The following VRK2 variants were observed in gnomAD, a reference collection of about 807,000 sequenced individuals.
VRK2 encodes the protein serine/threonine-protein kinase VRK2.
A neutral mutation model predicts 57.6 loss-of-function variants in VRK2; 60 were observed. The observed-to-expected ratio is 1.04, with a 90% CI of 0.85 to 1.29. The LOEUF (loss-of-function observed/expected upper bound fraction) is 1.29. Among genes scored for constraint, VRK2 ranks in the 50% most tolerant of loss-of-function variants. The probability of loss-of-function intolerance (pLI) is 0.00; values close to 1 mark genes in which losing one functional copy is unlikely to be tolerated. For missense variants in VRK2, 705 were observed against 588.1 expected, an observed-to-expected ratio of 1.20 and a Z score of -2.06; for synonymous variants, 231 against 199.2, an observed-to-expected ratio of 1.16 and a Z score of -1.35.
intron 8 of VRK2, among the ~76,000 whole-genome samples, chr2:58,131,052 G>C (rs188175029): frequency 6.6e-6 from 1 of 151,752 alleles, no homozygotes; most frequent in Non-Finnish European, 1.5e-5. Flanking sequence ...TGCTTTTAAC[G>C]TACTTTTTAG....
intron 9 of VRK2, among the ~76,000 whole-genome samples, chr2:58,133,917 G>GT (rs1425894242): frequency 6.6e-6 from 1 of 152,058 alleles, no homozygotes; most frequent in Non-Finnish European, 1.5e-5. Flanking sequence ...CTACTTCTGT[G>GT]TTTCTGCATA....
intron 2 of VRK2, among the ~76,000 whole-genome samples, chr2:58,082,840 T>C (rs1671083181): frequency 6.6e-6 from 1 of 151,890 alleles, no homozygotes; most frequent in South Asian, 2.1e-4. Context: ...CTTCAACTGG[T>C]TAGTAGCATT....
intron 1 of VRK2, among the ~76,000 whole-genome samples, chr2:57,993,497 T>C (rs750510255): frequency 3.3e-5 from 5 of 150,772 alleles, no homozygotes; most frequent in South Asian, 2.1e-4. Context: ...AAAAAAAAAG[T>C]AGCAAAAACT....
chr2:57,976,383 A>G (rs186312600), intron 1 of VRK2, among the ~76,000 whole-genome samples: 9 of 152,298 alleles, frequency 5.9e-5, no homozygotes, highest in African/African-American at 9.6e-5. Context: ...CCAGCAGAGT[A>G]TAAGTATTCC....
chr2:58,123,109 T>C lies in VRK2; in HGVS notation c.552T>C (p.Leu184=), dbSNP rs1481198743. The change falls in exon 8 of 13, where the codon CTT becomes CTC. Residue 184 remains leucine (L), a synonymous_variant. Transcript: ENST00000340157. ...LGYKNPDQVY[L]ADYGLSYRYC... Reference sequence around the variant, plus strand: ...CTGTGCTTGTCTTCCAGGTTTATCTTGCAGATTATGGACTTTCCTACAGAT... The same window carrying C: ...CTGTGCTTGTCTTCCAGGTTTATCTCGCAGATTATGGACTTTCCTACAGAT... The C allele has an allele frequency of 1.9e-6, 3 of 1,598,640 alleles. No individual in the cohort carries two copies. The Admixed American group carries it at 5.4e-5, about 29-fold the overall frequency.
intron 1 of VRK2, among the ~76,000 whole-genome samples, chr2:57,950,499 G>A (rs1234344706): frequency 6.6e-6 from 1 of 152,130 alleles, no homozygotes; most frequent in African/African-American, 2.4e-5. Flanking sequence ...GCCCACTATT[G>A]AGACCCACTG....
intron 7 of VRK2, among the ~76,000 whole-genome samples, chr2:58,095,225 C>G (rs977575318): frequency 6.8e-6 from 1 of 148,038 alleles, no homozygotes; most frequent in South Asian, 2.1e-4. Context: ...ACCCGGGAGG[C>G]GGAGCTTGCA....
intron 2 of VRK2, among the ~76,000 whole-genome samples, chr2:58,028,805 C>T (rs1346403209): frequency 6.7e-6 from 1 of 148,532 alleles, no homozygotes; most frequent in Non-Finnish European, 1.5e-5. Context: ...TTAATGGGTG[C>T]AGCACACCAA....
In VRK2 at chr2:58,048,619, A is replaced by C. The variant is rs186213518; in HGVS notation, c.-5-208A>C. 9.4e-6 allele frequency: 14 copies of C among 1,487,460 alleles called. No individual in the cohort carries two copies. In the East Asian group the frequency reaches 2.0e-4, roughly 21 times the overall value. 92.1% of individuals were successfully genotyped at this position (1,487,460 alleles called of 1,614,324 possible). ...TTGCTTCTGTTTTTTTAAAATATCT[A>C]TACCTCTTAGATCTCAGTATTGTAA... is the stretch of plus-strand genomic sequence containing the variant. On this transcript the variant is annotated intron_variant, in intron 1 of 12. Transcript: ENST00000340157.
At chr2:58,055,212 T>G (rs1676339186) in intron 2 of VRK2, among the ~76,000 whole-genome samples, 1 of 152,182 alleles carries the variant, frequency 6.6e-6, no homozygotes, top group African/African-American at 2.4e-5. Flanking sequence ...CTATTGAAAC[T>G]GGCATCACAC....
Position 58,146,302 on chromosome 2 carries a change from C to T in VRK2, c.1024-14C>T. ...AGTTTTCATTATATATTATTACTTA[C>T]TCTATACCAACAGGTTGATTCACAA... is the stretch of plus-strand genomic sequence containing the variant. On this transcript the variant is annotated splice_polypyrimidine_tract_variant and intron_variant, in intron 11 of 12. Transcript: ENST00000340157. The T allele has an allele frequency of 6.3e-7, 1 of 1,596,562 alleles. No homozygotes were observed. Among genetic ancestry groups the T allele is most frequent in the South Asian group, 1.1e-5 (1 of 88,038 alleles).
intron 8 of VRK2, among the ~76,000 whole-genome samples, chr2:58,127,419 A>C (rs1339654133): frequency 6.6e-6 from 1 of 152,160 alleles, no homozygotes; most frequent in African/African-American, 2.4e-5. Context: ...CACACACACA[A>C]AACTAGGGCT....
intron 1 of VRK2, among the ~76,000 whole-genome samples, chr2:57,931,575 GC>G (rs1670725627): frequency 6.6e-6 from 1 of 151,964 alleles, no homozygotes; most frequent in African/African-American, 2.4e-5. Flanking sequence ...GTGTGCCTTT[GC>G]CTTTTGTTGA....
In VRK2 at chr2:57,941,763, C is replaced by T. The variant is rs1671101340; in HGVS notation, c.-439+33924C>T. Among the ~76,000 whole-genome samples, 3 of 152,212 alleles carry T rather than the reference C, an allele frequency of 2.0e-5. 1 individual carries two copies. The South Asian group carries it at 6.2e-4, about 31-fold the overall frequency. On this transcript the variant is annotated intron_variant, in intron 1 of 15. Transcript: ENST00000417641. ...CCTTTGGCTGGCCACAGATTACACT[C>T]TTATGCATAGGCTGCCATAGACAAT...
At chr2:58,111,006 C>G (rs1675485666) in intron 7 of VRK2, among the ~76,000 whole-genome samples, 1 of 152,188 alleles carries the variant, frequency 6.6e-6, no homozygotes, top group Non-Finnish European at 1.5e-5. Context: ...TTATTGCATT[C>G]CTTACAAGTA....
At chr2:58,120,407 T>G (rs993211749) in intron 7 of VRK2, among the ~76,000 whole-genome samples, 5 of 151,850 alleles carry the variant, frequency 3.3e-5, no homozygotes, top group Non-Finnish European at 7.4e-5. Context: ...GCCAGGCTGG[T>G]CTTGAACTCC....
chr2:58,122,444 T>TA (rs1170290991), intron 7 of VRK2, among the ~76,000 whole-genome samples: 7 of 152,230 alleles, frequency 4.6e-5, no homozygotes, highest in Non-Finnish European at 8.8e-5. Context: ...ACCGTATTCT[T>TA]ACAATAAAGT....
intron 1 of VRK2, among the ~76,000 whole-genome samples, chr2:57,918,688 A>G (rs1670234717): frequency 6.6e-6 from 1 of 152,104 alleles, no homozygotes; most frequent in Non-Finnish European, 1.5e-5. Context: ...TGGAGTTTTT[A>G]GTAATATAAA....
intron 1 of VRK2, among the ~76,000 whole-genome samples, chr2:57,972,792 C>G (rs919663500): frequency 1.3e-4 from 19 of 151,728 alleles, no homozygotes; most frequent in African/African-American, 4.6e-4. Flanking sequence ...TCATTGTTGT[C>G]TACAACATGC....
Sources: gnomAD v4.1 joint callset for allele counts (sites outside exome capture counted in the v4.1 genomes callset) on GRCh38, gnomAD v4.1.1 for gene constraint, MANE v1.5 for transcripts, NCBI Gene and HGNC (gene_info 2026-07-23, HGNC 2026-07-21) for gene names.